NMNAT2: variants seen among roughly 807,000 people sequenced by gnomAD.
NMNAT2 encodes nicotinamide/nicotinic acid mononucleotide adenylyltransferase 2.
Under a neutral mutation model 41.6 loss-of-function variants are expected in NMNAT2, and 11 were observed. That is an observed-to-expected ratio of 0.26 (90% CI 0.17 to 0.44). NMNAT2 has a LOEUF of 0.44. NMNAT2 is among the 20% of genes least tolerant of loss of function. The probability of loss-of-function intolerance (pLI) is 1.00; values close to 1 mark genes in which losing one functional copy is unlikely to be tolerated. For missense variants in NMNAT2, 288 were observed against 407.7 expected (o/e 0.71, Z 2.53); for synonymous variants, 148 against 151.2 (o/e 0.98, Z 0.16).
At position 183,298,022 on chromosome 1, in the gene NMNAT2, C is replaced by A. The variant is rs188773017; in HGVS notation, c.86-4229G>T. Among the ~76,000 whole-genome samples, 16 of 152,252 alleles carry A rather than the reference C, an allele frequency of 1.1e-4. No homozygotes were observed. In the East Asian group the frequency reaches 2.3e-3, roughly 22 times the overall value. ...TCAACATTCATTCATGACAAAAACT[C>A]TCAGTATAATAGGAATAGAAAGAAA... On this transcript the variant is annotated intron_variant, in intron 1 of 10. Transcript: ENST00000287713.
intron 6 of NMNAT2, 128 bp downstream of exon 6, chr1:183,284,582 T>G (rs939281734): frequency 2.5e-6 from 2 of 798,422 alleles, no homozygotes; most frequent in Admixed American, 3.6e-5. Flanking sequence ...TGTGCACAAG[T>G]ACGCACACAC....
chr1:183,401,461 T>C (rs1648805750), intron 1 of NMNAT2, among the ~76,000 whole-genome samples: 1 of 152,218 alleles, frequency 6.6e-6, no homozygotes, highest in Non-Finnish European at 1.5e-5. Context: ...TTTTACACTG[T>C]TGGTGGGACT....
intron 1 of NMNAT2, among the ~76,000 whole-genome samples, chr1:183,384,404 T>A (rs1663867045): frequency 3.3e-5 from 5 of 152,166 alleles, no homozygotes; most frequent in Admixed American, 2.6e-4. Context: ...TTCACCATGT[T>A]GGCCATGCTC....
At position 183,308,267 on chromosome 1, in the gene NMNAT2, G is replaced by A. The variant is rs117988454; in HGVS notation, c.86-14474C>T. On this transcript the variant is annotated intron_variant, in intron 1 of 10. Transcript: ENST00000287713. ...CTGATGTGAAATAAGATACCACTGT[G>A]TATCACTTAAAGCAAATGTTTTTAA... Among the ~76,000 whole-genome samples the A allele has an allele frequency of 3.2e-4, 49 of 152,310 alleles. No individual in the cohort carries two copies. The East Asian group carries it at 8.3e-3, about 26-fold the overall frequency.
chr1:183,329,193 C>A (rs1662528829), intron 1 of NMNAT2, among the ~76,000 whole-genome samples: 1 of 152,130 alleles, frequency 6.6e-6, no homozygotes, highest in Non-Finnish European at 1.5e-5. Flanking sequence ...GAGTAACAAT[C>A]ATGTTGTTGT....
chr1:183,417,737 A>C (rs192378531), intron 1 of NMNAT2, among the ~76,000 whole-genome samples: 14 of 152,214 alleles, frequency 9.2e-5, no homozygotes, highest in African/African-American at 3.4e-4. Flanking sequence ...AGGCACATAC[A>C]TGATTTAACT....
At chr1:183,265,258 C>CTTTTTTTTTTTTTTT (rs67117635) in intron 8 of NMNAT2, among the ~76,000 whole-genome samples, 2 of 64,526 alleles carry the variant, frequency 3.1e-5, no homozygotes, top group Admixed American at 2.6e-4. Flanking sequence ...TCTTCTTCTT[C>CTTTTTTTTTTTTTTT]TTTTTTTTTT....
chr1:183,282,088 G>A (rs56983837), intron 7 of NMNAT2, among the ~76,000 whole-genome samples: 2 of 152,218 alleles, frequency 1.3e-5, no homozygotes, highest in Non-Finnish European at 1.5e-5. Flanking sequence ...CAGGACCTGA[G>A]CCCAATCTGA....
intron 1 of NMNAT2, among the ~76,000 whole-genome samples, chr1:183,381,363 C>T (rs1306477330): frequency 6.6e-6 from 1 of 152,146 alleles, no homozygotes; most frequent in African/African-American, 2.4e-5. Flanking sequence ...GCCAATAGCA[C>T]ATACAATAAT....
rs889183102 is a variant in NMNAT2, at chr1:183,251,472, C to A, written c.*1169G>T. The A allele has an allele frequency of 6.6e-6, 1 of 152,312 alleles. No homozygotes were observed. The highest frequency in any genetic ancestry group is 6.5e-5 in the Admixed American group (1 of 15,288). The allele number at this position is 152,312 out of a possible 1,614,324, so 9.4% of individuals were successfully genotyped here. On this transcript the variant is annotated 3_prime_UTR_variant, in exon 11 of 11. Coordinates refer to ENST00000287713, the MANE Select transcript of NMNAT2 (RefSeq NM_015039.4). Reference sequence around the variant, plus strand: ...ATACATAATTCCAATTAGCAAAGACCTCCAGGGTTGAGTGGACTCCTAGTG... The same window carrying A: ...ATACATAATTCCAATTAGCAAAGACATCCAGGGTTGAGTGGACTCCTAGTG...
At chr1:183,305,171 C>G (rs187548666) in intron 1 of NMNAT2, among the ~76,000 whole-genome samples, 15 of 149,332 alleles carry the variant, frequency 1.0e-4, no homozygotes, top group African/African-American at 3.2e-4. Flanking sequence ...AAAAATATGA[C>G]ACAAACTAAA....
intron 8 of NMNAT2, among the ~76,000 whole-genome samples, chr1:183,275,651 C>T (rs1661103228): frequency 7.1e-6 from 1 of 140,960 alleles, no homozygotes; most frequent in South Asian, 2.5e-4. Flanking sequence ...AGGGAGATCC[C>T]AGGATATGAG....
At chr1:183,361,300 C>T (rs920438685) in intron 1 of NMNAT2, among the ~76,000 whole-genome samples, 1 of 152,192 alleles carries the variant, frequency 6.6e-6, no homozygotes, top group Non-Finnish European at 1.5e-5. Flanking sequence ...CAAGCCACGA[C>T]TTGTTCTTGA....
At chr1:183,406,383 C>T (rs1156243370) in intron 1 of NMNAT2, among the ~76,000 whole-genome samples, 1 of 152,182 alleles carries the variant, frequency 6.6e-6, no homozygotes, top group Non-Finnish European at 1.5e-5. Flanking sequence ...AAACTTGCTG[C>T]ATGGATCTCG....
At chr1:183,255,668 T>G (rs1281997735) in intron 10 of NMNAT2, among the ~76,000 whole-genome samples, 2 of 140,060 alleles carry the variant, frequency 1.4e-5, no homozygotes, top group East Asian at 1.9e-4. Flanking sequence ...AAGGGTTTTT[T>G]TTTTTTTTTT....
chr1:183,415,018 C>G (rs1259993711), intron 1 of NMNAT2, among the ~76,000 whole-genome samples: 1 of 152,090 alleles, frequency 6.6e-6, no homozygotes, highest in Non-Finnish European at 1.5e-5. Flanking sequence ...GCTGTATTAC[C>G]TAGAATAGAG....
At chr1:183,253,732 A>C (rs947150699) in intron 10 of NMNAT2, among the ~76,000 whole-genome samples, 15 of 152,126 alleles carry the variant, frequency 9.9e-5, no homozygotes, top group African/African-American at 3.6e-4. Context: ...GACCCTGGTA[A>C]TCATTGTTTT....
chr1:183,276,012 G>T (rs111983090), intron 8 of NMNAT2, among the ~76,000 whole-genome samples: 1 of 152,146 alleles, frequency 6.6e-6, no homozygotes, highest in Non-Finnish European at 1.5e-5. Flanking sequence ...CAGAAACGGG[G>T]ACTAGTTGGT....
intron 8 of NMNAT2, among the ~76,000 whole-genome samples, chr1:183,272,031 G>A (rs1245222790): frequency 6.6e-6 from 1 of 152,228 alleles, no homozygotes; most frequent in Non-Finnish European, 1.5e-5. Context: ...GGGATTGCAA[G>A]CATGAGCCAC....
Sources: gnomAD v4.1 joint callset for allele counts (sites outside exome capture counted in the v4.1 genomes callset) on GRCh38, gnomAD v4.1.1 for gene constraint, MANE v1.5 for transcripts, NCBI Gene and HGNC (gene_info 2026-07-23, HGNC 2026-07-21) for gene names.